The following PDE4B variants were observed in gnomAD, a reference collection of about 807,000 sequenced individuals.
PDE4B encodes the protein 3',5'-cyclic-AMP phosphodiesterase 4B.
A neutral mutation model predicts 82.2 loss-of-function variants in PDE4B; 20 were observed. The ratio of observed to expected loss-of-function variants is 0.24; its 90% CI spans 0.17 to 0.35. The LOEUF (loss-of-function observed/expected upper bound fraction) is 0.35, where lower values mean the gene tolerates loss of function less well. Ranked by LOEUF, PDE4B falls within the 10% of genes least tolerant of loss-of-function variation. The pLI, the probability that PDE4B is intolerant of heterozygous loss-of-function variation, is 1.00. For missense variants in PDE4B, 655 were observed against 907.2 expected, an observed-to-expected ratio of 0.72 and a Z score of 3.57; for synonymous variants, 320 against 318.9, an observed-to-expected ratio of 1.00 and a Z score of -0.04.
intron 9 of PDE4B, 32 bp downstream of exon 9, chr1:66,355,652 T>C (rs770528897): frequency 1.5e-6 from 2 of 1,298,338 alleles, no homozygotes; most frequent in South Asian, 1.2e-5. Flanking sequence ...ACCTGTTTTA[T>C]AACTGGGGTT....
intron 8 of PDE4B, among the ~76,000 whole-genome samples, chr1:66,340,925 T>C (rs974462059): frequency 1.1e-4 from 16 of 152,206 alleles, no homozygotes; most frequent in African/African-American, 3.9e-4. Flanking sequence ...CAGTGAAGTA[T>C]TAATTTACCA....
chr1:66,108,049 A>G (rs953316479), intron 3 of PDE4B, among the ~76,000 whole-genome samples: 1 of 151,884 alleles, frequency 6.6e-6, no homozygotes, highest in Non-Finnish European at 1.5e-5. Flanking sequence ...ATTACCTCAC[A>G]TACTTATTTC....
chr1:66,318,462 G>A (rs1659177424), intron 7 of PDE4B, among the ~76,000 whole-genome samples: 1 of 152,190 alleles, frequency 6.6e-6, no homozygotes, highest in African/African-American at 2.4e-5. Flanking sequence ...AACTGCCTCA[G>A]TCTGAATCCA....
In PDE4B at chr1:66,363,415, C is replaced by T; in HGVS notation, c.1128C>T (p.Asp376=). Residue 376 remains aspartate (D), a synonymous_variant, in exon 12 of 17, where the codon GAC becomes GAT. Transcript: ENST00000341517. ...CIMYAIFQER[D]LLKTFRISSD... is the part of the protein sequence containing the mutation. ...TCCATTTTACAACACAGGAAAGAGA[C>T]CTCCTAAAGACATTCAGAATCTCAT... The T allele has an allele frequency of 1.2e-6, 2 of 1,611,398 alleles. No individual in the cohort carries two copies. The highest frequency in any genetic ancestry group is 2.2e-5 in the South Asian group (2 of 90,852).
Position 66,204,337 on chromosome 1 carries a change from A to C in PDE4B, c.282-43123A>C, listed in dbSNP as rs143499511. 8.8e-4 allele frequency among the ~76,000 whole-genome samples: 134 copies of C among 152,368 alleles called. 1 individual carries two copies. In the East Asian group the frequency reaches 0.024, roughly 27 times the overall value. ...GCAGTCTGCCTGTTGTCAGATCTCC[A>C]GCTGTGTGCTGGGAGAACCTCTACT... On this transcript the variant is annotated intron_variant, in intron 3 of 16. Coordinates refer to ENST00000341517, the MANE Select transcript of PDE4B (RefSeq NM_002600.4).
intron 1 of PDE4B, among the ~76,000 whole-genome samples, chr1:65,912,164 C>T (rs921886506): frequency 6.6e-6 from 1 of 152,066 alleles, no homozygotes; most frequent in African/African-American, 2.4e-5. Flanking sequence ...TATAGTACAT[C>T]TTTTTTCAGT....
At chr1:65,883,669 C>T (rs1646736257) in intron 1 of PDE4B, among the ~76,000 whole-genome samples, 1 of 152,034 alleles carries the variant, frequency 6.6e-6, no homozygotes, top group Admixed American at 6.6e-5. Context: ...GCCTAATTGC[C>T]CTGGCCAGAA....
At chr1:66,251,659 A>T (rs1653785794) in intron 4 of PDE4B, among the ~76,000 whole-genome samples, 1 of 152,190 alleles carries the variant, frequency 6.6e-6, no homozygotes, top group South Asian at 2.1e-4. Flanking sequence ...GCCTACTCTG[A>T]GGAGGTTACA....
intron 3 of PDE4B, among the ~76,000 whole-genome samples, chr1:66,176,979 G>T (rs1439397958): frequency 1.3e-5 from 2 of 152,186 alleles, no homozygotes; most frequent in African/African-American, 2.4e-5. Flanking sequence ...TAATGGGAGG[G>T]ACAGATATCT....
At chr1:66,059,428 T>C (rs11208792) in intron 3 of PDE4B, among the ~76,000 whole-genome samples, 71,894 of 152,026 alleles carry the variant, frequency 0.47, 17,662 homozygotes, top group Non-Finnish European at 0.54. Flanking sequence ...ATTTGCTGTA[T>C]TAGTCTGCTT....
In PDE4B at chr1:65,960,808, A is replaced by C. The variant is rs1237772312; in HGVS notation, c.281+41973A>C. Among the ~76,000 whole-genome samples the C allele has an allele frequency of 2.2e-4, 33 of 152,222 alleles. 1 individual carries two copies. In the South Asian group the frequency reaches 6.6e-3, roughly 31 times the overall value. ...GCTTGAAGTTTAGGAGTAAACAGAA[A>C]AAAGCTTGTGAACATGCTTTATAAA... is the stretch of plus-strand genomic sequence containing the variant. On this transcript the variant is annotated intron_variant, in intron 3 of 16. Transcript: ENST00000341517.
chr1:65,837,019 A>G (rs892607503), intron 1 of PDE4B, among the ~76,000 whole-genome samples: 1 of 152,132 alleles, frequency 6.6e-6, no homozygotes, highest in Non-Finnish European at 1.5e-5. Flanking sequence ...TAATTTGCTC[A>G]TAATATAAAC....
intron 3 of PDE4B, among the ~76,000 whole-genome samples, chr1:66,126,026 G>C (rs1267607835): frequency 6.6e-6 from 1 of 151,980 alleles, no homozygotes; most frequent in East Asian, 1.9e-4. Context: ...GGCTGGTCTC[G>C]AACTCCTGAC....
At chr1:66,183,077 T>C (rs889680329) in intron 3 of PDE4B, among the ~76,000 whole-genome samples, 10 of 152,238 alleles carry the variant, frequency 6.6e-5, no homozygotes, top group South Asian at 4.1e-4. Flanking sequence ...GGAAACAGCT[T>C]TCTTTGGAGA....
intron 3 of PDE4B, chr1:66,042,420 A>G (rs1654436833): frequency 6.6e-6 from 1 of 151,852 alleles, no homozygotes; most frequent in African/African-American, 2.4e-5. Context: ...TTTATTGCTT[A>G]TGTAATGTAT....
At chr1:65,850,665 G>T (rs951915758) in intron 1 of PDE4B, among the ~76,000 whole-genome samples, 1 of 152,064 alleles carries the variant, frequency 6.6e-6, no homozygotes, top group African/African-American at 2.4e-5. Context: ...GTATTTGTGT[G>T]TATATGTGTG....
chr1:65,920,008 A>G (rs1647208648), intron 3 of PDE4B, among the ~76,000 whole-genome samples: 1 of 152,246 alleles, frequency 6.6e-6, no homozygotes, highest in Non-Finnish European at 1.5e-5. Flanking sequence ...TCTTCTGTTC[A>G]GCTGAATTAA....
chr1:66,187,137 A>T (rs998504736), intron 3 of PDE4B, among the ~76,000 whole-genome samples: 3 of 152,166 alleles, frequency 2.0e-5, no homozygotes, highest in Non-Finnish European at 4.4e-5. Flanking sequence ...GATTACGTTT[A>T]TTGATTTGCA....
chr1:66,106,695 A>T (rs1416457364), intron 3 of PDE4B, among the ~76,000 whole-genome samples: 1 of 151,610 alleles, frequency 6.6e-6, no homozygotes, highest in Non-Finnish European at 1.5e-5. Flanking sequence ...AAATTTATCC[A>T]TTTCTTCTAG....
Sources: gnomAD v4.1 joint callset for allele counts (sites outside exome capture counted in the v4.1 genomes callset) on GRCh38, gnomAD v4.1.1 for gene constraint, MANE v1.5 for transcripts, NCBI Gene and HGNC (gene_info 2026-07-23, HGNC 2026-07-21) for gene names.